MOGAT3: variants seen among roughly 807,000 people sequenced by gnomAD.
MOGAT3 encodes monoacylglycerol O-acyltransferase 3.
Under a neutral mutation model 34.4 loss-of-function variants are expected in MOGAT3, and 39 were observed. That is an observed-to-expected ratio of 1.13 (90% CI 0.88 to 1.48). MOGAT3 has a LOEUF of 1.48. Among genes scored for constraint, MOGAT3 ranks in the 40% most tolerant of loss-of-function variants. The probability of loss-of-function intolerance (pLI) is 0.00; values close to 1 mark genes in which losing one functional copy is unlikely to be tolerated. For synonymous variants in MOGAT3, 209 were observed against 179.2 expected (o/e 1.17, Z -1.33); for missense variants, 439 against 438.9 (o/e 1.00, Z 0.00).
chr7:101,196,908 A>T (rs1045039533), intron 5 of MOGAT3, among the ~76,000 whole-genome samples: 3 of 151,646 alleles, frequency 2.0e-5, no homozygotes, highest in Non-Finnish European at 4.4e-5. Context: ...CATGCCTGTA[A>T]TCCCAATACC....
chr7:101,195,995 T>C lies in MOGAT3; in HGVS notation c.977A>G (p.His326Arg), dbSNP rs367611618. ...AGCGGGGACCCCACAGCTTTCCTTG[T>C]GCTCCTCGAAGAGCTGCTCCAGGGC... is the stretch of plus-strand genomic sequence containing the variant. ...MTALEQLFEE[H>R]KESCGVPAST... Residue 326 changes from histidine to arginine, a missense_variant, in exon 7 of 7, where the codon CAC becomes CGC. Coordinates refer to ENST00000223114, the MANE Select transcript of MOGAT3 (RefSeq NM_178176.4). 1.7e-5 allele frequency: 27 copies of C among 1,614,112 alleles called. No homozygotes were observed. The highest frequency in any genetic ancestry group is 3.3e-4 in the Middle Eastern group (2 of 6,062).
Position 101,200,999 on chromosome 7 carries a change from G to A in MOGAT3, c.-145C>T, listed in dbSNP as rs1273456170. Reference sequence around the variant, plus strand: ...GTCGCAAATCACCTCCCAGAGTAGCGTGTGTCCGTAGGTGTGTGAGTGGGG... The same window carrying A: ...GTCGCAAATCACCTCCCAGAGTAGCATGTGTCCGTAGGTGTGTGAGTGGGG... On this transcript the variant is annotated 5_prime_UTR_variant, in exon 1 of 7. It adds an upstream start codon to the 5' untranslated region. Transcript: ENST00000223114. 7 of 619,296 alleles carry A rather than the reference G, an allele frequency of 1.1e-5. No homozygotes were observed. Among genetic ancestry groups the A allele is most frequent in the East Asian group, 5.6e-5 (2 of 35,442 alleles). The allele number at this position is 619,296 out of a possible 1,614,324, so 38.4% of individuals were successfully genotyped here.
rs1797851099 is a variant in MOGAT3, at chr7:101,198,247, C to G, written c.612G>C (p.Glu204Asp). 6.2e-7 allele frequency: 1 copy of G among 1,613,672 alleles called. No individual in the cohort carries two copies. Among genetic ancestry groups the G allele is most frequent in the Non-Finnish European group, 8.5e-7 (1 of 1,179,816 alleles). ...TGCGCTTCTGGAGCGTAAGGCAGTG[C>G]TCCCCGGGGACTGAATACAGGGCCT... ...AHEALYSVPG[E>D]HCLTLQKRKG... Residue 204 changes from glutamate (E) to aspartate (D), a missense_variant, in exon 5 of 7, where the codon GAG (glutamate) becomes GAC (aspartate). Glu to Asp is a conservative substitution (Grantham distance 45). Transcript: ENST00000223114.
At position 101,198,481 on chromosome 7, in the gene MOGAT3, C is replaced by T; in HGVS notation, c.494-116G>A. ...CCATCTCCAAGGCGGGGAACCTACCCAAATGCTCACTGCAAGTCTGGGCAG... is the reference window on the plus strand; with the variant it reads ...CCATCTCCAAGGCGGGGAACCTACCTAAATGCTCACTGCAAGTCTGGGCAG... On this transcript the variant is annotated intron_variant, in intron 4 of 6. Transcript: ENST00000223114. 6.0e-6 allele frequency: 8 copies of T among 1,338,836 alleles called. No individual in the cohort carries two copies. In the South Asian group the frequency reaches 1.2e-4, roughly 20 times the overall value. The allele number at this position is 1,338,836 out of a possible 1,614,324, so 82.9% of individuals were successfully genotyped here. A position where few individuals can be genotyped will look rare whatever the true frequency, so the allele number is the denominator to read the frequency against.
At chr7:101,198,168 G>A in intron 5 of MOGAT3, 23 bp downstream of exon 5, 7 of 1,596,054 alleles carry the variant, frequency 4.4e-6, no homozygotes, top group Non-Finnish European at 6.0e-6. Flanking sequence ...GAACTGACAG[G>A]TAGGGCCTGC....
In MOGAT3 at chr7:101,196,264, C is replaced by A; in HGVS notation, c.794G>T (p.Cys265Phe). The A allele has an allele frequency of 6.2e-7, 1 of 1,610,942 alleles. No individual in the cohort carries two copies. Among genetic ancestry groups the A allele is most frequent in the Non-Finnish European group, 8.5e-7 (1 of 1,178,598 alleles). The change falls in exon 6 of 7, where the codon TGC becomes TTC. Residue 265 changes from cysteine (C) to phenylalanine (F), a missense_variant. Physicochemically the swap from Cys to Phe is radical, Grantham distance 205 (BLOSUM62 -2). Transcript: ENST00000223114. ...TFKKLMGFSP[C>F]IFWGRGLFSA... ...GAAGAGACCGCGACCCCAGAAGATGCAAGGAGAGAAGCCCATGAGCTTCTT... is the reference window on the plus strand; with the variant it reads ...GAAGAGACCGCGACCCCAGAAGATGAAAGGAGAGAAGCCCATGAGCTTCTT...
chr7:101,196,432 C>T, intron 5 of MOGAT3, 43 bp from the exon 6 acceptor site: 1 of 1,501,256 alleles, frequency 6.7e-7, no homozygotes, highest in East Asian at 2.3e-5. Flanking sequence ...GGCTGCTGGA[C>T]TGCTCCGAGA....
downstream of MOGAT3, among the ~76,000 whole-genome samples, chr7:101,194,250 C>T (rs1402883555): frequency 6.6e-6 from 1 of 151,674 alleles, no homozygotes; most frequent in Non-Finnish European, 1.5e-5. Flanking sequence ...TGCAATGGTG[C>T]GATCTTGGCT....
chr7:101,197,400 C>T (rs1185908279), intron 5 of MOGAT3, among the ~76,000 whole-genome samples: 1 of 152,014 alleles, frequency 6.6e-6, no homozygotes, highest in Non-Finnish European at 1.5e-5. Context: ...GTTGCCCAGG[C>T]TGGTCTTGAA....
chr7:101,200,227 C>T lies in MOGAT3; in HGVS notation c.288+7G>A. 7.4e-6 allele frequency: 12 copies of T among 1,612,660 alleles called. No individual in the cohort carries two copies. Among genetic ancestry groups the T allele is most frequent in the Non-Finnish European group, 1.0e-5 (12 of 1,178,784 alleles). On this transcript the variant is annotated splice_region_variant and intron_variant, in intron 3 of 6. Transcript: ENST00000223114. ...GGAAGCAGTTTTTCTGCAGGGTGAC[C>T]CATCACCTTGACAGGATAATAATCC...
chr7:101,198,900 C>T, intron 3 of MOGAT3, 70 bp from the exon 4 acceptor site: 1 of 1,401,784 alleles, frequency 7.1e-7, no homozygotes, highest in Non-Finnish European at 1.0e-6. Flanking sequence ...GGGCCCTCCA[C>T]CCCAACAGAG....
intron 5 of MOGAT3, 135 bp from the exon 6 acceptor site, chr7:101,196,524 C>G: frequency 3.3e-6 from 2 of 605,186 alleles, no homozygotes; most frequent in Middle Eastern, 4.2e-4. Context: ...ATGACTATGG[C>G]TACAAAGAAA....
chr7:101,194,498 CTTTTTTTTTTTTT>C (rs34849826), downstream of MOGAT3, among the ~76,000 whole-genome samples: 1 of 95,522 alleles, frequency 1.0e-5, no homozygotes, highest in South Asian at 3.6e-4. Context: ...AGGACATAAG[CTTTTTTTTTTTTT>C]TTTTTTTTTG....
chr7:101,199,254 C>T (rs1008232067), intron 3 of MOGAT3, among the ~76,000 whole-genome samples: 10 of 152,140 alleles, frequency 6.6e-5, no homozygotes, highest in African/African-American at 2.4e-4. Flanking sequence ...GATCTGCCTG[C>T]CTTGGCCTCC....
chr7:101,198,378 G>T lies in MOGAT3; in HGVS notation c.494-13C>A. The T allele has an allele frequency of 6.5e-7, 1 of 1,529,790 alleles. No homozygotes were observed. 94.8% of individuals were successfully genotyped at this position (1,529,790 alleles called of 1,614,324 possible). Reference sequence around the variant, plus strand: ...ACCGGACAGAGTCCTGTGGGCAGGAGGAGGTGGAAAGTAGTTCCCATCTGC... The same window carrying T: ...ACCGGACAGAGTCCTGTGGGCAGGATGAGGTGGAAAGTAGTTCCCATCTGC... On this transcript the variant is annotated splice_polypyrimidine_tract_variant and intron_variant, in intron 4 of 6. Transcript: ENST00000223114.
chr7:101,198,278 G>T lies in MOGAT3; in HGVS notation c.581C>A (p.Ala194Glu), dbSNP rs759678400. ...GQAVVIMVGG[A>E]HEALYSVPGE... Reference sequence around the variant, plus strand: ...GGGGACTGAATACAGGGCCTCGTGCGCACCCCCCACCATGATGACCACGGC... The same window carrying T: ...GGGGACTGAATACAGGGCCTCGTGCTCACCCCCCACCATGATGACCACGGC... Residue 194 changes from alanine to glutamate, a missense_variant, in exon 5 of 7, where the codon GCG becomes GAG. Transcript: ENST00000223114. 1.2e-6 allele frequency: 2 copies of T among 1,609,690 alleles called. No individual in the cohort carries two copies. Among genetic ancestry groups the T allele is most frequent in the African/African-American group, 2.7e-5 (2 of 74,800 alleles).
Position 101,198,334 on chromosome 7 carries a change from G to A in MOGAT3, c.525C>T (p.Asp175=). 1 of 1,571,746 alleles carries A rather than the reference G, an allele frequency of 6.4e-7. No individual in the cohort carries two copies. Among genetic ancestry groups the A allele is most frequent in the Non-Finnish European group, 8.6e-7 (1 of 1,156,364 alleles). Residue 175 remains aspartate (D), a synonymous_variant, in exon 5 of 7, where the codon GAC becomes GAT. Transcript: ENST00000223114. ...CGAGCTGGGGCTGGGACAGGATGAAGTCCAGGCTCTGGCGGCTCACCGGAC... is the reference window on the plus strand; with the variant it reads ...CGAGCTGGGGCTGGGACAGGATGAAATCCAGGCTCTGGCGGCTCACCGGAC... ...GLCPVSRQSL[D]FILSQPQLGQ...
rs1562881996 is a variant in MOGAT3 at position 101,195,933 on chromosome 7, GC to G, written c.*12del. 1 of 1,613,986 alleles carries G rather than the reference GC, an allele frequency of 6.2e-7. No individual in the cohort carries two copies. ...CTTGGGCTCAGGGGCTCAGCGAAAG[GC>G]CGCGGCCAGGCCTAGATGAAGGTGA... is the stretch of plus-strand genomic sequence containing the variant. On this transcript the variant is annotated 3_prime_UTR_variant, in exon 7 of 7. Coordinates refer to ENST00000223114, the MANE Select transcript of MOGAT3 (RefSeq NM_178176.4).
Position 101,200,843 on chromosome 7 carries a change from G to C in MOGAT3, c.12C>G (p.Ala4=), listed in dbSNP as rs1204854238. 1 of 1,613,494 alleles carries C rather than the reference G, an allele frequency of 6.2e-7. No individual in the cohort carries two copies. The highest frequency in any genetic ancestry group is 1.7e-5 in the Admixed American group (1 of 59,834). MGV[A]TTLQPPTTSK... Reference sequence around the variant, plus strand: ...AAGTGGTTGGGGGCTGCAGGGTTGTGGCAACTCCCATTGCAGAAGCTCCCC... The same window carrying C: ...AAGTGGTTGGGGGCTGCAGGGTTGTCGCAACTCCCATTGCAGAAGCTCCCC... The change falls in exon 1 of 7, where the codon GCC becomes GCG. Residue 4 remains alanine, a synonymous_variant. Transcript: ENST00000223114.
Sources: gnomAD v4.1 joint callset for allele counts (sites outside exome capture counted in the v4.1 genomes callset) on GRCh38, gnomAD v4.1.1 for gene constraint, MANE v1.5 for transcripts, NCBI Gene and HGNC (gene_info 2026-07-23, HGNC 2026-07-21) for gene names.